Variants in FAM114A2 observed in about 807,000 individuals in gnomAD.
FAM114A2 encodes the protein family with sequence similarity 114 member A2, also known as protein FAM114A2.
FAM114A2 carries 53 observed loss-of-function variants against 58.4 expected under a neutral mutation model. The observed-to-expected ratio is 0.91, with a 90% CI of 0.73 to 1.14. The LOEUF (loss-of-function observed/expected upper bound fraction) is 1.14. FAM114A2 is among the 50% of genes most tolerant of loss of function. The pLI is 0.00. For missense variants in FAM114A2, 601 were observed against 581.1 expected, an observed-to-expected ratio of 1.03 and a Z score of -0.35; for synonymous variants, 228 against 211.4, an observed-to-expected ratio of 1.08 and a Z score of -0.68.
intron 4 of FAM114A2, among the ~76,000 whole-genome samples, chr5:154,031,527 C>T (rs1324193429): frequency 6.6e-6 from 1 of 152,060 alleles, no homozygotes; most frequent in African/African-American, 2.4e-5. Flanking sequence ...AGGAATTAAC[C>T]TCCTTCCTCA....
Position 154,029,534 on chromosome 5 carries a change from C to T in FAM114A2, c.450G>A (p.Gly150=). ...AGATGGTAGAGAATACACCAAATGC[C>T]CCAGCCACTGGGGAGGAGTTTTCAT... ...KENENSSPVA[G]AFGVFSTIST... is the part of the protein sequence containing the mutation. The change falls in exon 5 of 14, where the codon GGG becomes GGA. Residue 150 remains glycine (G), a synonymous_variant. Coordinates refer to ENST00000351797, the MANE Select transcript of FAM114A2 (RefSeq NM_018691.4). The T allele has an allele frequency of 6.2e-7, 1 of 1,611,586 alleles. No individual in the cohort carries two copies. The highest frequency in any genetic ancestry group is 8.5e-7 in the Non-Finnish European group (1 of 1,178,136).
chr5:153,999,958 T>A (rs551931742), intron 11 of FAM114A2, among the ~76,000 whole-genome samples: 2 of 151,702 alleles, frequency 1.3e-5, no homozygotes, highest in South Asian at 4.3e-4. Flanking sequence ...TGTGTATATA[T>A]ATGTGTGTGT....
intron 13 of FAM114A2, 55 bp from the exon 14 acceptor site, chr5:153,993,165 A>G (rs934061294): frequency 5.5e-6 from 8 of 1,467,170 alleles, no homozygotes; most frequent in Non-Finnish European, 7.4e-6. Context: ...AAAAGAGAAG[A>G]TATACTGTAA....
In FAM114A2 at chr5:154,002,961, A is replaced by G; in HGVS notation, c.1002T>C (p.Asn334=). 1 of 1,613,488 alleles carries G rather than the reference A, an allele frequency of 6.2e-7. No individual in the cohort carries two copies. The highest frequency in any genetic ancestry group is 8.5e-7 in the Non-Finnish European group (1 of 1,179,778). The change falls in exon 10 of 14, where the codon AAT becomes AAC. Residue 334 remains asparagine (N), a synonymous_variant. Coordinates refer to ENST00000351797, the MANE Select transcript of FAM114A2 (RefSeq NM_018691.4). ...ACTTCCTGATCCATTCGTGGGCGGT[A>G]TTTCTTGCCTAAATAAGAAAAATAT... ...SKPEKLARAR[N]TAHEWIRKSL...
At chr5:153,996,047 T>C (rs1462938976) in intron 12 of FAM114A2, among the ~76,000 whole-genome samples, 3 of 152,172 alleles carry the variant, frequency 2.0e-5, no homozygotes, top group Non-Finnish European at 4.4e-5. Context: ...ATAGACAAGC[T>C]GATCCTAAAA....
intron 9 of FAM114A2, among the ~76,000 whole-genome samples, chr5:154,009,381 A>G (rs553670019): frequency 1.2e-4 from 19 of 152,340 alleles, no homozygotes; most frequent in African/African-American, 3.8e-4. Flanking sequence ...AAGCATACTG[A>G]TAACAAATTA....
intron 12 of FAM114A2, among the ~76,000 whole-genome samples, chr5:153,997,558 A>T (rs1581760801): frequency 6.6e-6 from 1 of 152,198 alleles, no homozygotes; most frequent in African/African-American, 2.4e-5. Context: ...AGAGAAAGAA[A>T]GCAGATTCAT....
chr5:154,019,217 A>C (rs1006107044), intron 8 of FAM114A2, among the ~76,000 whole-genome samples: 2 of 152,218 alleles, frequency 1.3e-5, no homozygotes, highest in Non-Finnish European at 2.9e-5. Context: ...AATGTACACA[A>C]ATCAGTAGCT....
intron 8 of FAM114A2, among the ~76,000 whole-genome samples, chr5:154,025,852 T>C (rs530365792): frequency 2.0e-5 from 3 of 152,288 alleles, no homozygotes; most frequent in South Asian, 2.1e-4. Flanking sequence ...TTCCTGATAA[T>C]TTTGCAAATA....
At chr5:153,999,668 C>T (rs1389712529) in intron 11 of FAM114A2, among the ~76,000 whole-genome samples, 1 of 151,280 alleles carries the variant, frequency 6.6e-6, no homozygotes, top group Admixed American at 6.6e-5. Flanking sequence ...GGCAACAATT[C>T]CAAGAAAAGA....
At chr5:153,999,211 G>C (rs1769800721) in intron 11 of FAM114A2, among the ~76,000 whole-genome samples, 1 of 152,122 alleles carries the variant, frequency 6.6e-6, no homozygotes, top group African/African-American at 2.4e-5. Context: ...CTCAAAAGAA[G>C]ACATACAAAT....
chr5:153,994,119 G>T (rs1415023899), intron 13 of FAM114A2, among the ~76,000 whole-genome samples: 2 of 152,096 alleles, frequency 1.3e-5, no homozygotes, highest in Non-Finnish European at 2.9e-5. Context: ...TAGTTTCCCT[G>T]ACTACTTGAT....
intron 11 of FAM114A2, 49 bp downstream of exon 11, chr5:154,002,202 G>A: frequency 1.3e-6 from 2 of 1,583,470 alleles, no homozygotes; most frequent in Non-Finnish European, 1.7e-6. Context: ...AACAGGCCAA[G>A]AAAACTCCTG....
At position 154,031,312 on chromosome 5, in the gene FAM114A2, C is replaced by CAAAAAAAAAAAAAAAAAAA. The variant is rs59757780; in HGVS notation, c.404-1733_404-1732insTTTTTTTTTTTTTTTTTTT. ...GGGCGACAGAGTGAGACTCCCTCTC[C>CAAAAAAAAAAAAAAAAAAA]AAAAAAAAAAAAAAAAGCCTTAAAG... On this transcript the variant is annotated intron_variant, in intron 4 of 13. Coordinates refer to ENST00000351797, the MANE Select transcript of FAM114A2 (RefSeq NM_018691.4). Among the ~76,000 whole-genome samples, 10 of 47,832 alleles carry CAAAAAAAAAAAAAAAAAAA rather than the reference C, an allele frequency of 2.1e-4. 2 individuals carry two copies. Among genetic ancestry groups the CAAAAAAAAAAAAAAAAAAA allele is most frequent in the East Asian group, 1.6e-3 (2 of 1,218 alleles). 31.4% of individuals were successfully genotyped at this position (47,832 alleles called of 152,430 possible).
chr5:154,007,260 C>T (rs1770416000), intron 9 of FAM114A2, among the ~76,000 whole-genome samples: 2 of 152,174 alleles, frequency 1.3e-5, no homozygotes, highest in South Asian at 4.1e-4. Context: ...GAACTTCCCA[C>T]TTGTTGAGAT....
chr5:154,030,970 T>C (rs1772152122), intron 4 of FAM114A2, among the ~76,000 whole-genome samples: 1 of 152,076 alleles, frequency 6.6e-6, no homozygotes, highest in Non-Finnish European at 1.5e-5. Context: ...AGATAAACAG[T>C]ACTTAGTTAG....
At chr5:154,001,455 T>C (rs1769965896) in intron 11 of FAM114A2, among the ~76,000 whole-genome samples, 1 of 152,160 alleles carries the variant, frequency 6.6e-6, no homozygotes, top group African/African-American at 2.4e-5. Context: ...TGTGAGTCTC[T>C]CATCCTTAAG....
At chr5:154,017,128 A>C (rs566366291) in intron 8 of FAM114A2, among the ~76,000 whole-genome samples, 2 of 152,352 alleles carry the variant, frequency 1.3e-5, no homozygotes, top group South Asian at 4.1e-4. Context: ...CAAATTTATA[A>C]AACAATTGCC....
At chr5:154,027,019 T>C (rs1771828526) in intron 7 of FAM114A2, among the ~76,000 whole-genome samples, 157 bp downstream of exon 7, 1 of 152,186 alleles carries the variant, frequency 6.6e-6, no homozygotes, top group South Asian at 2.1e-4. Flanking sequence ...CAATCAAACA[T>C]TAGTTTTTAA....
Sources: allele counts gnomAD v4.1 joint callset (sites outside exome capture counted in the v4.1 genomes callset), GRCh38; gene constraint gnomAD v4.1.1; transcripts MANE v1.5; gene names NCBI Gene and HGNC (gene_info 2026-07-23, HGNC 2026-07-21).